Variants in DMRT1 observed in about 807,000 individuals in gnomAD.
DMRT1 encodes the protein doublesex and mab-3 related transcription factor 1.
DMRT1 carries 7 observed loss-of-function variants against 32.3 expected under a neutral mutation model. The observed-to-expected ratio is 0.22, with a 90% CI of 0.12 to 0.41. The LOEUF is 0.41. Among genes scored for constraint, DMRT1 ranks in the 10% least tolerant of loss-of-function variants. The pLI is 1.00. For missense variants in DMRT1, 625 were observed against 500.5 expected (o/e 1.25, Z -2.37); for synonymous variants, 278 against 206.1 (o/e 1.35, Z -2.99).
In DMRT1 at chr9:872,228, A is replaced by AT. The variant is rs921198030; in HGVS notation, c.539-21678dup. On this transcript the variant is annotated intron_variant, in intron 2 of 4. Coordinates refer to ENST00000382276, the MANE Select transcript of DMRT1 (RefSeq NM_021951.3). Reference sequence around the variant, plus strand: ...AGGCGCCCGCCACCATGCCAGGCTAATTTTTTGTATTTTTAGTAGAGATAG... The same window carrying AT: ...AGGCGCCCGCCACCATGCCAGGCTAATTTTTTTGTATTTTTAGTAGAGATAG... Among the ~76,000 whole-genome samples the AT allele has an allele frequency of 4.0e-4, 61 of 151,358 alleles. 3 individuals are homozygous for AT. The highest frequency in any genetic ancestry group is 1.4e-3 in the African/African-American group (59 of 40,796).
At chr9:900,532 C>T (rs184427283) in intron 3 of DMRT1, among the ~76,000 whole-genome samples, 84 of 151,858 alleles carry the variant, frequency 5.5e-4, no homozygotes, top group African/African-American at 1.9e-3. Context: ...TGTAGGAAGG[C>T]GCAGTGAGGG....
chr9:950,845 C>A (rs1819405981), intron 4 of DMRT1, among the ~76,000 whole-genome samples: 1 of 152,184 alleles, frequency 6.6e-6, no homozygotes, highest in African/African-American at 2.4e-5. Context: ...TTCTTGCTTT[C>A]TGTCTTTTTC....
At chr9:870,974 C>T (rs1051253645) in intron 2 of DMRT1, among the ~76,000 whole-genome samples, 5 of 151,446 alleles carry the variant, frequency 3.3e-5, no homozygotes, top group Admixed American at 1.3e-4. Context: ...ACCCAAAGTG[C>T]GGGGATTACA....
chr9:966,013 T>C (rs1379030342), intron 4 of DMRT1, among the ~76,000 whole-genome samples: 2 of 152,110 alleles, frequency 1.3e-5, no homozygotes, highest in Non-Finnish European at 2.9e-5. Flanking sequence ...CTGTCACTGG[T>C]TGGGGGTGGG....
chr9:927,512 C>T (rs139321425), intron 4 of DMRT1, among the ~76,000 whole-genome samples: 3 of 152,204 alleles, frequency 2.0e-5, no homozygotes, highest in Admixed American at 6.5e-5. Context: ...GTGCAGTGCA[C>T]ACCAGATGAG....
In DMRT1 at chr9:874,336, T is replaced by C. The variant is rs190865902; in HGVS notation, c.539-19576T>C. Among the ~76,000 whole-genome samples the C allele has an allele frequency of 2.6e-5, 4 of 152,362 alleles. No individual in the cohort carries two copies. The East Asian group carries it at 7.7e-4, about 29-fold the overall frequency. ...AAAATCATAGCGCCTTCATCTAATATTTATACAGTTGAGATATAGATTGGG... is the reference window on the plus strand; with the variant it reads ...AAAATCATAGCGCCTTCATCTAATACTTATACAGTTGAGATATAGATTGGG... On this transcript the variant is annotated intron_variant, in intron 2 of 4. Coordinates refer to ENST00000382276, the MANE Select transcript of DMRT1 (RefSeq NM_021951.3).
chr9:948,170 G>A (rs1362724455), intron 4 of DMRT1, among the ~76,000 whole-genome samples: 1 of 152,206 alleles, frequency 6.6e-6, no homozygotes, highest in Admixed American at 6.5e-5. Context: ...ACACAGTGGG[G>A]AGCTTGAGGC....
At position 841,949 on chromosome 9, in the gene DMRT1, G is replaced by T. The variant is rs1202915319; in HGVS notation, c.111G>T (p.Ala37=). The T allele has an allele frequency of 1.3e-6, 2 of 1,598,390 alleles. No individual in the cohort carries two copies. The highest frequency in any genetic ancestry group is 2.7e-5 in the African/African-American group (2 of 74,514). The change falls in exon 1 of 5, where the codon GCG becomes GCT. Residue 37 remains alanine (A), a synonymous_variant. Coordinates refer to ENST00000382276, the MANE Select transcript of DMRT1 (RefSeq NM_021951.3). ...GGGGCTTTGGCAAAGCGTCTGGGGC[G>T]CTAGTGGGGGCGGCCAGCGGCTCGA... ...RAGGFGKASG[A]LVGAASGSSA...
At chr9:904,897 G>A (rs1321578042) in intron 3 of DMRT1, among the ~76,000 whole-genome samples, 1 of 150,568 alleles carries the variant, frequency 6.6e-6, no homozygotes, top group Non-Finnish European at 1.5e-5. Context: ...AGCCGAGATT[G>A]CGCCACTGTA....
At chr9:945,003 G>A (rs765112488) in intron 4 of DMRT1, among the ~76,000 whole-genome samples, 59 of 151,962 alleles carry the variant, frequency 3.9e-4, no homozygotes, top group Admixed American at 1.3e-4. Context: ...TAAAGCAGCT[G>A]TATAAAAACA....
At chr9:890,150 G>A (rs1817088540) in intron 2 of DMRT1, among the ~76,000 whole-genome samples, 1 of 145,598 alleles carries the variant, frequency 6.9e-6, no homozygotes, top group Admixed American at 7.1e-5. Context: ...GTGCAGTGGC[G>A]TGATCTTGGC....
chr9:844,762 C>G (rs913712524), intron 1 of DMRT1, among the ~76,000 whole-genome samples: 16 of 149,502 alleles, frequency 1.1e-4, no homozygotes, highest in Non-Finnish European at 2.2e-4. Flanking sequence ...GCTCTGTCCC[C>G]CAGGCTGTAG....
At chr9:938,776 T>C (rs1282239401) in intron 4 of DMRT1, among the ~76,000 whole-genome samples, 2 of 152,252 alleles carry the variant, frequency 1.3e-5, no homozygotes, top group East Asian at 1.9e-4. Context: ...AGTATTGTAT[T>C]GAACAGAGGT....
chr9:895,676 A>C (rs1355032276), intron 3 of DMRT1, among the ~76,000 whole-genome samples: 1 of 151,856 alleles, frequency 6.6e-6, no homozygotes, highest in Non-Finnish European at 1.5e-5. Flanking sequence ...TACCATTTTT[A>C]TGTGTGTGGT....
intron 4 of DMRT1, among the ~76,000 whole-genome samples, chr9:926,220 T>C (rs940535609): frequency 5.9e-5 from 9 of 152,214 alleles, no homozygotes; most frequent in African/African-American, 2.2e-4. Flanking sequence ...AACTTTAAGA[T>C]ACCTTTATGA....
rs555462432 is a variant in DMRT1 at position 916,356 on chromosome 9, G to C, written c.823-407G>C. On this transcript the variant is annotated intron_variant, in intron 3 of 4. Coordinates refer to ENST00000382276, the MANE Select transcript of DMRT1 (RefSeq NM_021951.3). The stretch of plus-strand genomic sequence containing the variant: ...CTGAGGCCACTTCCAACTTAGATAG[G>C]CTATTCCCTTAATTTGCTTTTTTTT... Among the ~76,000 whole-genome samples the C allele has an allele frequency of 5.5e-4, 83 of 151,604 alleles. 1 individual carries two copies. The highest frequency in any genetic ancestry group is 1.9e-3 in the African/African-American group (80 of 41,262).
At chr9:890,799 C>T (rs1025563922) in intron 2 of DMRT1, among the ~76,000 whole-genome samples, 15 of 152,294 alleles carry the variant, frequency 9.8e-5, no homozygotes, top group African/African-American at 3.6e-4. Context: ...ACTGCAACCT[C>T]GGCCTCCCAG....
intron 3 of DMRT1, among the ~76,000 whole-genome samples, chr9:904,368 C>G (rs1287958379): frequency 6.6e-6 from 1 of 152,036 alleles, no homozygotes; most frequent in Non-Finnish European, 1.5e-5. Context: ...TCTTAGGAGT[C>G]TATATTTCTG....
intron 2 of DMRT1, among the ~76,000 whole-genome samples, chr9:878,022 C>T (rs1230613503): frequency 1.6e-4 from 24 of 152,144 alleles, no homozygotes; most frequent in Admixed American, 1.6e-3. Context: ...TCCAGCAACC[C>T]TGGAGGTCAT....
Sources: gnomAD v4.1 joint callset for allele counts (sites outside exome capture counted in the v4.1 genomes callset) on GRCh38, gnomAD v4.1.1 for gene constraint, MANE v1.5 for transcripts, NCBI Gene and HGNC (gene_info 2026-07-23, HGNC 2026-07-21) for gene names.